The following ZFAND3 variants were observed in gnomAD, a reference collection of about 807,000 sequenced individuals.
ZFAND3 encodes the protein AN1-type zinc finger protein 3.
ZFAND3 carries 10 observed loss-of-function variants against 29.6 expected under a neutral mutation model. That is an observed-to-expected ratio of 0.34 (90% CI 0.21 to 0.57). The LOEUF (loss-of-function observed/expected upper bound fraction) is 0.57, where lower values mean the gene tolerates loss of function less well. ZFAND3 is among the 20% of genes least tolerant of loss of function. ZFAND3 has a pLI of 0.86. For synonymous variants in ZFAND3, 128 were observed against 112.6 expected, an observed-to-expected ratio of 1.14 and a Z score of -0.87; for missense variants, 230 against 304.5, an observed-to-expected ratio of 0.76 and a Z score of 1.82.
chr6:37,845,257 C>T (rs1004398553), intron 1 of ZFAND3, among the ~76,000 whole-genome samples: 12 of 152,112 alleles, frequency 7.9e-5, no homozygotes, highest in African/African-American at 2.4e-4. Context: ...GGGAGGCAGA[C>T]GTAACTGAAT....
chr6:38,114,176 T>TA (rs2127483545), intron 4 of ZFAND3, among the ~76,000 whole-genome samples: 1 of 152,300 alleles, frequency 6.6e-6, no homozygotes, highest in African/African-American at 2.4e-5. Flanking sequence ...CATTTTTTGT[T>TA]ACAGTTTTTA....
At chr6:38,018,358 C>T (rs1763286665) in intron 2 of ZFAND3, among the ~76,000 whole-genome samples, 1 of 152,164 alleles carries the variant, frequency 6.6e-6, no homozygotes, top group Non-Finnish European at 1.5e-5. Context: ...AAGCCATTAT[C>T]AGGTAACGTT....
intron 2 of ZFAND3, among the ~76,000 whole-genome samples, chr6:37,978,893 G>A (rs1762533676): frequency 6.6e-6 from 1 of 151,288 alleles, no homozygotes; most frequent in Non-Finnish European, 1.5e-5. Flanking sequence ...AGCATTTTAT[G>A]CTTTTAATAT....
chr6:38,143,197 G>C (rs1402792075), intron 5 of ZFAND3: 1 of 152,282 alleles, frequency 6.6e-6, no homozygotes, highest in Non-Finnish European at 1.5e-5. Flanking sequence ...ACAGAGGAGA[G>C]GAAAGAGGTA....
At chr6:38,012,471 C>T (rs955717790) in intron 2 of ZFAND3, among the ~76,000 whole-genome samples, 2 of 151,316 alleles carry the variant, frequency 1.3e-5, no homozygotes, top group African/African-American at 2.4e-5. Context: ...CTCCGCCTCC[C>T]GGGTTCAAGG....
intron 1 of ZFAND3, among the ~76,000 whole-genome samples, chr6:37,857,461 G>T (rs1390726716): frequency 6.7e-6 from 1 of 148,804 alleles, no homozygotes; most frequent in South Asian, 2.1e-4. Flanking sequence ...TATTTTTAAA[G>T]AAAAAAAAAA....
At chr6:38,048,506 G>A (rs955461770) in intron 2 of ZFAND3, among the ~76,000 whole-genome samples, 3 of 150,980 alleles carry the variant, frequency 2.0e-5, no homozygotes, top group African/African-American at 4.9e-5. Flanking sequence ...CCTATAGTCC[G>A]AGCTACTCGG....
intron 2 of ZFAND3, chr6:38,003,696 G>C (rs1325217330): frequency 2.9e-6 from 1 of 343,644 alleles, no homozygotes; most frequent in African/African-American, 2.3e-5. Flanking sequence ...TGTAGAGACG[G>C]GGTTTTGCCA....
intron 2 of ZFAND3, among the ~76,000 whole-genome samples, chr6:38,025,057 G>A (rs573208773): frequency 6.6e-6 from 1 of 152,248 alleles, no homozygotes; most frequent in Non-Finnish European, 1.5e-5. Flanking sequence ...CATGTCACAT[G>A]ATCATTCTGA....
At chr6:38,036,262 GAAAGATAAAAACAAGGAAAAA>G (rs1763654943) in intron 2 of ZFAND3, among the ~76,000 whole-genome samples, 1 of 152,186 alleles carries the variant, frequency 6.6e-6, no homozygotes, top group South Asian at 2.1e-4. Context: ...AAGCCAGGCT[GAAAGATAAAAACAAGGAAAAA>G]AATCTGAGCA....
rs142617787 is a variant in ZFAND3 at position 37,983,940 on chromosome 6, T to G, written c.112+53941T>G. On this transcript the variant is annotated intron_variant, in intron 2 of 5. Coordinates refer to ENST00000287218, the MANE Select transcript of ZFAND3 (RefSeq NM_021943.3). ...CCCCATTGTTCAGCAACACGTGACT[T>G]ACTTTGGGCAGTGCAATGAAAAAAG... Among the ~76,000 whole-genome samples the G allele has an allele frequency of 1.0e-3, 154 of 152,370 alleles. 1 individual carries two copies. Among genetic ancestry groups the G allele is most frequent in the African/African-American group, 3.1e-3 (127 of 41,582 alleles).
intron 2 of ZFAND3, among the ~76,000 whole-genome samples, chr6:37,936,531 G>A (rs767244453): frequency 6.6e-6 from 1 of 152,124 alleles, no homozygotes; most frequent in South Asian, 2.1e-4. Flanking sequence ...TTAATAAACC[G>A]TAGACATGGT....
chr6:38,151,723 T>G (rs767581000), intron 5 of ZFAND3, among the ~76,000 whole-genome samples: 10 of 152,190 alleles, frequency 6.6e-5, no homozygotes, highest in Non-Finnish European at 1.2e-4. Context: ...CTTTGAGAGC[T>G]CCCACTCATT....
intron 2 of ZFAND3, among the ~76,000 whole-genome samples, chr6:37,972,613 A>G (rs1762408716): frequency 6.6e-6 from 1 of 152,134 alleles, no homozygotes; most frequent in Non-Finnish European, 1.5e-5. Flanking sequence ...TTTTATTTGA[A>G]TGAGATTATT....
In ZFAND3 at chr6:38,098,792, G is replaced by A. The variant is rs12110568; in HGVS notation, c.361+16335G>A. Among the ~76,000 whole-genome samples, 966 of 152,244 alleles carry A rather than the reference G, an allele frequency of 6.3e-3. 9 individuals are homozygous for A. The highest frequency in any genetic ancestry group is 0.021 in the African/African-American group (882 of 41,534). Reference sequence around the variant, plus strand: ...GCTAGGATTACAGGCATGAGCCACCGAGCCCGGCCTATCTTAAACACAGTT... The same window carrying A: ...GCTAGGATTACAGGCATGAGCCACCAAGCCCGGCCTATCTTAAACACAGTT... On this transcript the variant is annotated intron_variant, in intron 4 of 5. Coordinates refer to ENST00000287218, the MANE Select transcript of ZFAND3 (RefSeq NM_021943.3).
At chr6:37,857,082 A>G (rs1764397611) in intron 1 of ZFAND3, among the ~76,000 whole-genome samples, 1 of 152,050 alleles carries the variant, frequency 6.6e-6, no homozygotes, top group African/African-American at 2.4e-5. Flanking sequence ...AGCTGGGACC[A>G]CTGACAAACG....
chr6:37,992,766 T>C (rs564290408), intron 2 of ZFAND3, among the ~76,000 whole-genome samples: 18 of 152,358 alleles, frequency 1.2e-4, no homozygotes, highest in African/African-American at 4.1e-4. Flanking sequence ...TTAAGTGTTT[T>C]ATTATGTCTC....
At chr6:37,852,845 A>G (rs1764307155) in intron 1 of ZFAND3, among the ~76,000 whole-genome samples, 1 of 151,836 alleles carries the variant, frequency 6.6e-6, no homozygotes, top group African/African-American at 2.4e-5. Context: ...CCTCCCAAGA[A>G]GCTGAGATCA....
chr6:38,005,012 G>A (rs557252298), intron 2 of ZFAND3, among the ~76,000 whole-genome samples: 4 of 152,154 alleles, frequency 2.6e-5, no homozygotes, highest in Non-Finnish European at 4.4e-5. Flanking sequence ...ATGCAGTTGC[G>A]TGTGTGAATA....
Sources: allele counts gnomAD v4.1 joint callset (sites outside exome capture counted in the v4.1 genomes callset), GRCh38; gene constraint gnomAD v4.1.1; transcripts MANE v1.5; gene names NCBI Gene and HGNC (gene_info 2026-07-23, HGNC 2026-07-21).